Variants in ITPR1 observed in about 807,000 individuals in gnomAD.
The protein encoded by ITPR1 is inositol 1,4,5-trisphosphate-gated calcium channel ITPR1.
Under a neutral mutation model 318.4 loss-of-function variants are expected in ITPR1, and 96 were observed. The observed-to-expected ratio is 0.30, with a 90% CI of 0.26 to 0.36. The LOEUF is 0.36. Among genes scored for constraint, ITPR1 ranks in the 10% least tolerant of loss-of-function variants. The probability of loss-of-function intolerance (pLI) is 1.00; values close to 1 mark genes in which losing one functional copy is unlikely to be tolerated. For synonymous variants in ITPR1, 1,312 were observed against 1,289.9 expected, an observed-to-expected ratio of 1.02 and a Z score of -0.37; for missense variants, 2,440 against 3,460.2, an observed-to-expected ratio of 0.71 and a Z score of 7.40.
intron 5 of ITPR1, among the ~76,000 whole-genome samples, chr3:4,632,929 CTTTTTTTTTTTTTT>C (rs1156474451): frequency 4.5e-5 from 3 of 66,030 alleles, no homozygotes; most frequent in East Asian, 3.8e-4. Flanking sequence ...ACTTTCAGGT[CTTTTTTTTTTTTTT>C]TTTTTTTTTT....
chr3:4,574,948 T>C (rs1476345877), intron 4 of ITPR1, among the ~76,000 whole-genome samples: 1 of 152,228 alleles, frequency 6.6e-6, no homozygotes, highest in Non-Finnish European at 1.5e-5. Flanking sequence ...GCAAATGCAG[T>C]GTGAGGGACA....
intron 4 of ITPR1, among the ~76,000 whole-genome samples, chr3:4,523,172 T>C (rs1238825445): frequency 6.6e-6 from 1 of 152,198 alleles, no homozygotes; most frequent in African/African-American, 2.4e-5. Flanking sequence ...AGGCATTGCT[T>C]GGGTCCAGCG....
intron 2 of ITPR1, among the ~76,000 whole-genome samples, chr3:4,507,322 T>G (rs2081464091): frequency 6.6e-6 from 1 of 152,158 alleles, no homozygotes; most frequent in East Asian, 1.9e-4. Flanking sequence ...TCCCTGACCC[T>G]TGGGCCACCA....
chr3:4,814,632 C>G (rs991435656), intron 58 of ITPR1, 70 bp downstream of exon 58: 20 of 1,382,238 alleles, frequency 1.4e-5, no homozygotes, highest in Non-Finnish European at 1.8e-5. Flanking sequence ...CACCATGCAG[C>G]GGTGTTGAGT....
chr3:4,817,006 T>C (rs1464200253), intron 59 of ITPR1, among the ~76,000 whole-genome samples: 1 of 152,280 alleles, frequency 6.6e-6, no homozygotes, highest in Non-Finnish European at 1.5e-5. Context: ...TGTGGATTTT[T>C]ATTTTATTCA....
chr3:4,757,361 T>C (rs2045080214), intron 44 of ITPR1, among the ~76,000 whole-genome samples: 1 of 152,202 alleles, frequency 6.6e-6, no homozygotes, highest in Non-Finnish European at 1.5e-5. Context: ...TTAACAAATG[T>C]ATTAAACGTC....
intron 58 of ITPR1, 191 bp downstream of exon 58, chr3:4,814,753 G>A: frequency 1.6e-6 from 1 of 630,584 alleles, no homozygotes; most frequent in Non-Finnish European, 2.7e-6. Context: ...AAAGTCAGCT[G>A]CGTGGAAAGG....
chr3:4,503,265 A>G (rs1379914731), intron 2 of ITPR1, among the ~76,000 whole-genome samples: 1 of 152,092 alleles, frequency 6.6e-6, no homozygotes, highest in Non-Finnish European at 1.5e-5. Context: ...AGGTAGTGAA[A>G]CCAAGCTGCT....
At chr3:4,750,047 A>T (rs1413394877) in intron 44 of ITPR1, 1 of 152,666 alleles carries the variant, frequency 6.6e-6, no homozygotes, top group Non-Finnish European at 1.5e-5. Flanking sequence ...TTAGGCCTGG[A>T]GGGTATGTGG....
chr3:4,555,169 AT>A (rs747472133), intron 4 of ITPR1, among the ~76,000 whole-genome samples: 3 of 152,108 alleles, frequency 2.0e-5, no homozygotes, highest in African/African-American at 7.2e-5. Context: ...AAGTCAGGGT[AT>A]TTGGGGGATT....
intron 13 of ITPR1, among the ~76,000 whole-genome samples, chr3:4,660,726 C>G (rs1190090773): frequency 6.6e-6 from 1 of 152,130 alleles, no homozygotes; most frequent in Non-Finnish European, 1.5e-5. Context: ...TATGCTGAGA[C>G]ACTCATTCAT....
At chr3:4,556,700 A>G (rs2086166526) in intron 4 of ITPR1, among the ~76,000 whole-genome samples, 1 of 152,124 alleles carries the variant, frequency 6.6e-6, no homozygotes, top group Non-Finnish European at 1.5e-5. Flanking sequence ...CACGATTTAT[A>G]TATTCATTCA....
At chr3:4,509,309 G>A (rs920402308) in intron 2 of ITPR1, among the ~76,000 whole-genome samples, 13 of 152,216 alleles carry the variant, frequency 8.5e-5, no homozygotes, top group African/African-American at 3.1e-4. Flanking sequence ...AGTACTCCAA[G>A]CCATTTTGGA....
chr3:4,540,238 A>G (rs2633849), intron 4 of ITPR1, among the ~76,000 whole-genome samples: 152,290 of 152,290 alleles, frequency 1, 76,145 homozygotes, highest in Non-Finnish European at 1. Flanking sequence ...TCATTATGTA[A>G]GAAACATTTT....
In ITPR1 at chr3:4,661,031, G is replaced by T; in HGVS notation, c.1195G>T (p.Val399Phe). ...CAGACACCTATGTACTAATACCTGG[G>T]TTCACAGCACAAATATTCCTATTGA... ...RLRHLCTNTWVHSTNIPIDKE... is the reference protein window; with the variant it reads ...RLRHLCTNTWFHSTNIPIDKE... Residue 399 changes from valine (V) to phenylalanine (F), a missense_variant, in exon 14 of 62, where the codon GTT becomes TTT. Physicochemically the swap from Val to Phe is conservative, Grantham distance 50 (BLOSUM62 -1). Coordinates refer to ENST00000649015, the MANE Select transcript of ITPR1 (RefSeq NM_001378452.1). 1 of 1,610,886 alleles carries T rather than the reference G, an allele frequency of 6.2e-7. No homozygotes were observed. The highest frequency in any genetic ancestry group is 8.5e-7 in the Non-Finnish European group (1 of 1,177,312).
At position 4,814,571 on chromosome 3, in the gene ITPR1, A is replaced by C; in HGVS notation, c.7701+9A>C. On this transcript the variant is annotated intron_variant, in intron 58 of 61. Transcript: ENST00000649015. ...GGAAGCCGTCCAAAGAGGTAAATTAATCCCGAGGGGAAGGAAGGGCAAAGG... is the reference window on the plus strand; with the variant it reads ...GGAAGCCGTCCAAAGAGGTAAATTACTCCCGAGGGGAAGGAAGGGCAAAGG... 1 of 1,368,504 alleles carries C rather than the reference A, an allele frequency of 7.3e-7. No homozygotes were observed. Among genetic ancestry groups the C allele is most frequent in the Admixed American group, 1.8e-5 (1 of 54,896 alleles). 84.8% of individuals were successfully genotyped at this position (1,368,504 alleles called of 1,614,324 possible).
intron 49 of ITPR1, among the ~76,000 whole-genome samples, chr3:4,782,130 G>A (rs1339346657): frequency 1.3e-5 from 2 of 152,236 alleles, no homozygotes; most frequent in African/African-American, 4.8e-5. Context: ...TTCATTTGGA[G>A]TAGGCTGTTG....
chr3:4,811,015 C>T (rs1223499572), intron 55 of ITPR1, among the ~76,000 whole-genome samples: 2 of 152,178 alleles, frequency 1.3e-5, no homozygotes, highest in Non-Finnish European at 2.9e-5. Context: ...ATTTCCAGTC[C>T]CTCTAAATGG....
At chr3:4,765,350 T>C (rs1036397102) in intron 44 of ITPR1, among the ~76,000 whole-genome samples, 2 of 152,098 alleles carry the variant, frequency 1.3e-5, no homozygotes, top group African/African-American at 2.4e-5. Context: ...AAGTGCATTG[T>C]GGGCAGACAG....
Sources: allele counts gnomAD v4.1 joint callset (sites outside exome capture counted in the v4.1 genomes callset), GRCh38; gene constraint gnomAD v4.1.1; transcripts MANE v1.5; gene names NCBI Gene and HGNC (gene_info 2026-07-23, HGNC 2026-07-21).